BCKDHB: variants seen among roughly 807,000 people sequenced by gnomAD.
BCKDHB encodes the protein 2-oxoisovalerate dehydrogenase subunit beta, mitochondrial.
A neutral mutation model predicts 48.5 loss-of-function variants in BCKDHB; 41 were observed. That is an observed-to-expected ratio of 0.85 (90% CI 0.66 to 1.10). The LOEUF is 1.10. Among genes scored for constraint, BCKDHB ranks in the 50% least tolerant of loss-of-function variants. The pLI is 0.00. For missense variants in BCKDHB, 496 were observed against 494.2 expected (o/e 1.00, Z -0.03); for synonymous variants, 201 against 174.8 (o/e 1.15, Z -1.18).
downstream of BCKDHB, among the ~76,000 whole-genome samples, chr6:80,350,296 A>G (rs1204112790): frequency 1.3e-5 from 2 of 152,202 alleles, no homozygotes; most frequent in Non-Finnish European, 2.9e-5. Context: ...ATGCGAGAAC[A>G]AAGAAGGAAA....
rs1166721286 is a variant in BCKDHB at position 80,214,604 on chromosome 6, TATA to T, written c.951+11394_951+11396del. 2.6e-5 allele frequency among the ~76,000 whole-genome samples: 4 copies of T among 152,182 alleles called. No homozygotes were observed. In the East Asian group the frequency reaches 7.7e-4, roughly 29 times the overall value. ...GATGGAAAGGGAGCTAGTAACTACC[TATA>T]ACCACTAGAGGCCTCTCTTAGGCCA... is the stretch of plus-strand genomic sequence containing the variant. On this transcript the variant is annotated intron_variant, in intron 8 of 9. Transcript: ENST00000320393.
intron 9 of BCKDHB, among the ~76,000 whole-genome samples, chr6:80,338,336 C>T (rs1769701797): frequency 6.6e-6 from 1 of 152,130 alleles, no homozygotes; most frequent in Non-Finnish European, 1.5e-5. Flanking sequence ...ACTGACAGGC[C>T]ACTTTTCTAT....
the BCKDHB span, among the ~76,000 whole-genome samples, chr6:80,402,265 CTCA>C: frequency 6.6e-6 from 1 of 151,788 alleles, no homozygotes; most frequent in Non-Finnish European, 1.5e-5. Context: ...TTTCCACATC[CTCA>C]TCAATACTTT....
chr6:80,399,070 A>T, the BCKDHB span, among the ~76,000 whole-genome samples: 1 of 152,174 alleles, frequency 6.6e-6, no homozygotes, highest in African/African-American at 2.4e-5. Flanking sequence ...TCCTGTTAAA[A>T]ACTCTAAATA....
At chr6:80,389,401 G>C in the BCKDHB span, among the ~76,000 whole-genome samples, 1,169 of 152,324 alleles carry the variant, frequency 7.7e-3, 12 homozygotes, top group African/African-American at 0.027. Context: ...AGGGTGATCA[G>C]TCAGCTACCT....
At chr6:80,232,222 C>T (rs1297634827) in intron 8 of BCKDHB, among the ~76,000 whole-genome samples, 2 of 151,880 alleles carry the variant, frequency 1.3e-5, no homozygotes, top group East Asian at 1.9e-4. Flanking sequence ...AGACTGTCAC[C>T]TGTCACTTCC....
At chr6:80,321,863 G>C (rs1296378236) in intron 9 of BCKDHB, among the ~76,000 whole-genome samples, 1 of 152,102 alleles carries the variant, frequency 6.6e-6, no homozygotes, top group African/African-American at 2.4e-5. Context: ...ACCTGCAATT[G>C]ATGGAAAAAT....
chr6:80,163,001 C>T (rs1266676850), intron 3 of BCKDHB, among the ~76,000 whole-genome samples: 2 of 151,842 alleles, frequency 1.3e-5, no homozygotes, highest in Non-Finnish European at 2.9e-5. Context: ...CAGCTCACTG[C>T]AGCCTTGACC....
the BCKDHB span, among the ~76,000 whole-genome samples, chr6:80,382,665 C>G: frequency 6.6e-6 from 1 of 152,078 alleles, no homozygotes; most frequent in Non-Finnish European, 1.5e-5. Flanking sequence ...TCCCACACTT[C>G]CCTGGACGTC....
At chr6:80,307,341 A>G (rs1767931936) in intron 9 of BCKDHB, 2 of 849,844 alleles carry the variant, frequency 2.4e-6, no homozygotes, top group Non-Finnish European at 1.4e-6. Context: ...GCATTGACAG[A>G]TATTTAATAG....
At chr6:80,336,683 A>G (rs942486073) in intron 9 of BCKDHB, among the ~76,000 whole-genome samples, 2 of 152,012 alleles carry the variant, frequency 1.3e-5, no homozygotes, top group Non-Finnish European at 2.9e-5. Context: ...TAGGCTTGAT[A>G]ATAATATTTT....
At chr6:80,438,039 G>A in the BCKDHB span, among the ~76,000 whole-genome samples, 1 of 152,114 alleles carries the variant, frequency 6.6e-6, no homozygotes, top group Admixed American at 6.6e-5. Flanking sequence ...ATAATAGAAA[G>A]GATGAAACTC....
chr6:80,318,675 ACTCT>A (rs1323146125), intron 9 of BCKDHB, among the ~76,000 whole-genome samples: 20 of 143,884 alleles, frequency 1.4e-4, no homozygotes, highest in African/African-American at 4.7e-4. Flanking sequence ...ACAGAGTGAG[ACTCT>A]CTCTCTTAAA....
chr6:80,152,516 T>A (rs1395337622), intron 3 of BCKDHB, among the ~76,000 whole-genome samples: 3 of 152,182 alleles, frequency 2.0e-5, no homozygotes, highest in Non-Finnish European at 4.4e-5. Context: ...CTTAACTGGT[T>A]ATGTAGTCAT....
Position 80,176,772 on chromosome 6 carries a change from C to A in BCKDHB, c.742+5382C>A, listed in dbSNP as rs183817405. ...GTCCATGAAAACTGTTGGAAGGAAA[C>A]AAAATCCTCTCTGGAGTCACTTCAA... On this transcript the variant is annotated intron_variant, in intron 6 of 9. Transcript: ENST00000320393. 1.8e-3 allele frequency among the ~76,000 whole-genome samples: 281 copies of A among 152,206 alleles called. 2 individuals carry two copies. The highest frequency in any genetic ancestry group is 3.1e-3 in the Non-Finnish European group (210 of 68,006).
chr6:80,321,996 AT>A lies in BCKDHB; in HGVS notation c.1039-21666del, dbSNP rs138137897. ...TTTTCTGAGCACAAGAGAAGCAATG[AT>A]TAATAGAATGTGGTACTTGCTCCAA... On this transcript the variant is annotated intron_variant, in intron 9 of 9. Transcript: ENST00000320393. Among the ~76,000 whole-genome samples the A allele has an allele frequency of 6.1e-3, 926 of 152,324 alleles. 10 individuals are homozygous for A. Among genetic ancestry groups the A allele is most frequent in the African/African-American group, 0.022 (895 of 41,580 alleles).
chr6:80,201,758 C>T lies in BCKDHB; in HGVS notation c.840+727C>T, dbSNP rs145936353. On this transcript the variant is annotated intron_variant, in intron 7 of 9. Coordinates refer to ENST00000320393, the MANE Select transcript of BCKDHB (RefSeq NM_183050.4). The stretch of plus-strand genomic sequence containing the variant: ...TTTGCTCTACCTCCCAACTTTTTCT[C>T]TGGCCACGAACTCCTATCTCTTCTA... 3.7e-3 allele frequency among the ~76,000 whole-genome samples: 558 copies of T among 152,210 alleles called. 3 individuals carry two copies. Among genetic ancestry groups the T allele is most frequent in the African/African-American group, 0.013 (533 of 41,546 alleles).
chr6:80,314,703 A>G (rs936124010), intron 9 of BCKDHB, among the ~76,000 whole-genome samples: 2 of 151,774 alleles, frequency 1.3e-5, no homozygotes, highest in African/African-American at 4.8e-5. Flanking sequence ...CTGAGTCGTC[A>G]AAACAACCAA....
intron 3 of BCKDHB, among the ~76,000 whole-genome samples, chr6:80,147,001 C>G (rs1263058612): frequency 6.6e-6 from 1 of 152,110 alleles, no homozygotes; most frequent in African/African-American, 2.4e-5. Context: ...TGCTTACATA[C>G]ACACATACTT....
Sources: gnomAD v4.1 joint callset for allele counts (sites outside exome capture counted in the v4.1 genomes callset) on GRCh38, gnomAD v4.1.1 for gene constraint, MANE v1.5 for transcripts, NCBI Gene and HGNC (gene_info 2026-07-23, HGNC 2026-07-21) for gene names.